DSE: variants seen among roughly 807,000 people sequenced by gnomAD.
DSE encodes dermatan-sulfate epimerase.
Under a neutral mutation model 84.4 loss-of-function variants are expected in DSE, and 36 were observed. The observed-to-expected ratio is 0.43, with a 90% CI of 0.33 to 0.56. The LOEUF (loss-of-function observed/expected upper bound fraction) is 0.56, where lower values mean the gene tolerates loss of function less well. Ranked by LOEUF, DSE falls within the 20% of genes least tolerant of loss-of-function variation. DSE has a pLI of 0.06. For synonymous variants in DSE, 410 were observed against 430.1 expected (o/e 0.95, Z 0.58); for missense variants, 862 against 1,169.6 (o/e 0.74, Z 3.84).
chr6:116,325,921 G>C (rs1375165219), intron 2 of DSE, among the ~76,000 whole-genome samples: 10 of 152,276 alleles, frequency 6.6e-5, no homozygotes, highest in Middle Eastern at 3.4e-3. Flanking sequence ...GCACATGAGA[G>C]GATCGTGATC....
exon 2 of DSE, chr6:116,258,858 CT>C: frequency 6.2e-7 from 1 of 1,607,834 alleles, no homozygotes; most frequent in African/African-American, 1.3e-5. Context: ...CAGTCATGAG[CT>C]TCTTGCCGTT....
At chr6:116,281,578 T>C (rs1222723128) in intron 2 of DSE, among the ~76,000 whole-genome samples, 1 of 152,156 alleles carries the variant, frequency 6.6e-6, no homozygotes, top group Non-Finnish European at 1.5e-5. Flanking sequence ...ACCAGAAATA[T>C]ACTTAGGCAA....
intron 2 of DSE, among the ~76,000 whole-genome samples, chr6:116,316,927 T>C (rs1776018181): frequency 6.6e-6 from 1 of 151,994 alleles, no homozygotes; most frequent in Non-Finnish European, 1.5e-5. Context: ...TGTGAGCTTA[T>C]GTTAGCCTGG....
chr6:116,364,458 T>C (rs1562255438), intron 2 of DSE, among the ~76,000 whole-genome samples: 1 of 152,220 alleles, frequency 6.6e-6, no homozygotes, highest in Non-Finnish European at 1.5e-5. Flanking sequence ...AAGATTTTCT[T>C]TGCCTGACAC....
rs1381544023 is a variant in DSE at position 116,437,889 on chromosome 6, A to G, written c.*544A>G. ...TATGTAACTAACAGGATGTTTTACT[A>G]CAGATCTGGATGGCTATTCAGATAA... On this transcript the variant is annotated 3_prime_UTR_variant, in exon 6 of 6. Coordinates refer to ENST00000644252, the MANE Select transcript of DSE (RefSeq NM_013352.4). 1.3e-5 allele frequency: 2 copies of G among 152,216 alleles called. No individual in the cohort carries two copies. Among genetic ancestry groups the G allele is most frequent in the Non-Finnish European group, 2.9e-5 (2 of 68,024 alleles). 9.4% of individuals were successfully genotyped at this position (152,216 alleles called of 1,614,324 possible). A position where few individuals can be genotyped will look rare whatever the true frequency, so the allele number is the denominator to read the frequency against.
Position 116,436,370 on chromosome 6 carries a change from A to G in DSE, c.1902A>G (p.Thr634=), listed in dbSNP as rs1326625252. 1.9e-6 allele frequency: 3 copies of G among 1,614,064 alleles called. No homozygotes were observed. Among genetic ancestry groups the G allele is most frequent in the African/African-American group, 1.3e-5 (1 of 74,908 alleles). ...AGAAAGCAACCTTTGCCTCAGTGACATATCCTCGGGGCTATCCCTACAATG... is the reference window on the plus strand; with the variant it reads ...AGAAAGCAACCTTTGCCTCAGTGACGTATCCTCGGGGCTATCCCTACAATG... ...YSEKATFASV[T]YPRGYPYNGT... Residue 634 remains threonine (T), a synonymous_variant, in exon 6 of 6, where the codon ACA becomes ACG. Coordinates refer to ENST00000644252, the MANE Select transcript of DSE (RefSeq NM_013352.4).
intron 2 of DSE, among the ~76,000 whole-genome samples, chr6:116,326,359 C>A (rs1413783277): frequency 2.0e-5 from 3 of 151,948 alleles, no homozygotes; most frequent in African/African-American, 4.8e-5. Context: ...CCCCACCCCC[C>A]ACCAAAAAAC....
At chr6:116,263,910 T>A (rs1164330190) in intron 2 of DSE, among the ~76,000 whole-genome samples, 1 of 152,226 alleles carries the variant, frequency 6.6e-6, no homozygotes. Context: ...TTTAAGAATG[T>A]TGAACATTGG....
intron 1 of DSE, among the ~76,000 whole-genome samples, chr6:116,380,503 T>G (rs1026319456): frequency 3.3e-5 from 5 of 151,988 alleles, no homozygotes; most frequent in African/African-American, 1.2e-4. Flanking sequence ...GAGAAAGCAC[T>G]ACAAGCAGAT....
At chr6:116,270,801 C>T (rs895751313) in intron 2 of DSE, among the ~76,000 whole-genome samples, 3 of 152,318 alleles carry the variant, frequency 2.0e-5, no homozygotes, top group African/African-American at 7.2e-5. Flanking sequence ...TAGTTACAAG[C>T]TGCTTCAATA....
intron 2 of DSE, among the ~76,000 whole-genome samples, chr6:116,359,585 A>G (rs1216345012): frequency 6.6e-6 from 1 of 152,244 alleles, no homozygotes; most frequent in Non-Finnish European, 1.5e-5. Flanking sequence ...GTCTAGGTTT[A>G]AATTTCAGAG....
At chr6:116,309,507 C>T (rs980277680) in intron 2 of DSE, among the ~76,000 whole-genome samples, 1 of 152,170 alleles carries the variant, frequency 6.6e-6, no homozygotes, top group African/African-American at 2.4e-5. Context: ...TTTAGTTATA[C>T]ATGAATTATT....
At chr6:116,338,226 T>TC (rs1777381536) in intron 2 of DSE, among the ~76,000 whole-genome samples, 2 of 140,066 alleles carry the variant, frequency 1.4e-5, no homozygotes, top group South Asian at 4.6e-4. Context: ...TTTCTTTTTT[T>TC]TTTTTTTTTT....
At chr6:116,301,321 A>G (rs529260830) in intron 2 of DSE, among the ~76,000 whole-genome samples, 1 of 152,008 alleles carries the variant, frequency 6.6e-6, no homozygotes, top group Non-Finnish European at 1.5e-5. Flanking sequence ...TTCCTCGGAG[A>G]TGATGGGGAC....
At chr6:116,370,406 C>G, upstream of DSE, 3 of 927,418 alleles carry the variant, frequency 3.2e-6, no homozygotes, top group Non-Finnish European at 3.9e-6. Context: ...CTCCCACTAA[C>G]TTCTCTTTGA....
chr6:116,347,418 C>T (rs1397124123), intron 2 of DSE, among the ~76,000 whole-genome samples: 2 of 152,248 alleles, frequency 1.3e-5, no homozygotes, highest in Admixed American at 6.5e-5. Context: ...GGTACCAAAA[C>T]AGCATGGTAC....
chr6:116,316,246 G>GAGCA (rs1775972331), intron 2 of DSE, among the ~76,000 whole-genome samples: 1 of 152,148 alleles, frequency 6.6e-6, no homozygotes, highest in Admixed American at 6.5e-5. Flanking sequence ...AAGATAGTAG[G>GAGCA]AGCAGAGCTT....
intron 2 of DSE, among the ~76,000 whole-genome samples, chr6:116,286,094 C>T (rs957521488): frequency 2.6e-5 from 4 of 152,138 alleles, no homozygotes; most frequent in African/African-American, 9.7e-5. Flanking sequence ...AGCATTGAAT[C>T]TATAAATTAC....
At chr6:116,390,271 G>A (rs534823595) in intron 1 of DSE, among the ~76,000 whole-genome samples, 1 of 152,106 alleles carries the variant, frequency 6.6e-6, no homozygotes, top group East Asian at 1.9e-4. Context: ...GTTTCACCAT[G>A]TTGCCCAGGC....
Sources: allele counts gnomAD v4.1 joint callset (sites outside exome capture counted in the v4.1 genomes callset), GRCh38; gene constraint gnomAD v4.1.1; transcripts MANE v1.5; gene names NCBI Gene and HGNC (gene_info 2026-07-23, HGNC 2026-07-21).